SNCAIP: variants seen among roughly 807,000 people sequenced by gnomAD.
The protein encoded by SNCAIP is synuclein alpha interacting protein, also known as synphilin-1.
In SNCAIP, 43 loss-of-function variants were observed where a neutral mutation model predicts 86.7. The observed-to-expected ratio is 0.50, with a 90% CI of 0.39 to 0.64. The LOEUF (loss-of-function observed/expected upper bound fraction) is 0.64. SNCAIP is among the 30% of genes least tolerant of loss of function. The probability of loss-of-function intolerance (pLI) is 0.00; values close to 1 mark genes in which losing one functional copy is unlikely to be tolerated. For synonymous variants in SNCAIP, 417 were observed against 427.2 expected (o/e 0.98, Z 0.29); for missense variants, 981 against 1,103.1 (o/e 0.89, Z 1.57).
chr5:122,398,469 G>T (rs934553826), intron 2 of SNCAIP, among the ~76,000 whole-genome samples: 1 of 152,090 alleles, frequency 6.6e-6, no homozygotes, highest in African/African-American at 2.4e-5. Context: ...AAAATATTAT[G>T]TTCTGAAAAT....
In SNCAIP at chr5:122,451,534, C is replaced by T. The variant is rs1480117466; in HGVS notation, c.2687C>T (p.Ser896Leu). The T allele has an allele frequency of 2.5e-6, 4 of 1,613,820 alleles. No individual in the cohort carries two copies. Among genetic ancestry groups the T allele is most frequent in the Admixed American group, 1.7e-5 (1 of 60,016 alleles). ...AAAACCTCTACATTGCCCTTGACCTCACTTGGGAGGAAGACAGATGCCAAG... is the reference window on the plus strand; with the variant it reads ...AAAACCTCTACATTGCCCTTGACCTTACTTGGGAGGAAGACAGATGCCAAG... ...QLKTSTLPLTSLGRKTDAKGN... is the reference protein window; with the variant it reads ...QLKTSTLPLTLLGRKTDAKGN... Residue 896 changes from serine to leucine, a missense_variant, in exon 10 of 11, where the codon TCA (serine) becomes TTA (leucine). Physicochemically the swap from Ser to Leu is moderately radical, Grantham distance 145 (BLOSUM62 -2). Coordinates refer to ENST00000261368, the MANE Select transcript of SNCAIP (RefSeq NM_005460.4).
chr5:122,376,803 C>G (rs1765417245), intron 1 of SNCAIP, among the ~76,000 whole-genome samples: 1 of 152,140 alleles, frequency 6.6e-6, no homozygotes, highest in Admixed American at 6.5e-5. Context: ...GTCATGGCAG[C>G]ACTCTGAAAA....
chr5:122,348,240 A>G (rs1759019027), intron 1 of SNCAIP, among the ~76,000 whole-genome samples: 1 of 152,098 alleles, frequency 6.6e-6, no homozygotes, highest in African/African-American at 2.4e-5. Flanking sequence ...CCTAGAAATA[A>G]AGTTTATTCT....
Position 122,463,522 on chromosome 5 carries a change from T to G in SNCAIP, c.*26T>G. On this transcript the variant is annotated 3_prime_UTR_variant, in exon 11 of 11. Transcript: ENST00000261368. ...TGACATCAATAGAAAAATGAAGAAA[T>G]CCTACAGCATAAAGCACATTGCTGA... 1 of 1,609,514 alleles carries G rather than the reference T, an allele frequency of 6.2e-7. No individual in the cohort carries two copies. Among genetic ancestry groups the G allele is most frequent in the Non-Finnish European group, 8.5e-7 (1 of 1,176,664 alleles).
At chr5:122,354,611 T>C (rs1760630914) in intron 1 of SNCAIP, among the ~76,000 whole-genome samples, 1 of 152,188 alleles carries the variant, frequency 6.6e-6, no homozygotes, top group Non-Finnish European at 1.5e-5. Flanking sequence ...GAAATGATTG[T>C]CTTGGAGCAG....
chr5:122,421,370 C>T (rs1012422077), intron 3 of SNCAIP, among the ~76,000 whole-genome samples: 1 of 152,176 alleles, frequency 6.6e-6, no homozygotes, highest in East Asian at 1.9e-4. Context: ...ACTCTCATCC[C>T]GTTAGCTTGG....
chr5:122,393,498 G>A (rs554143595), intron 2 of SNCAIP, among the ~76,000 whole-genome samples: 24 of 152,200 alleles, frequency 1.6e-4, no homozygotes, highest in Admixed American at 7.2e-4. Flanking sequence ...CTGCTTCTCC[G>A]GGATGAATAT....
In SNCAIP at chr5:122,444,560, C is replaced by T; in HGVS notation, c.1423-3C>T. ...GATACACATGTCCTTCATTTTCTGACAGACCTTGGTTGAATATGGAGCAAA... is the reference window on the plus strand; with the variant it reads ...GATACACATGTCCTTCATTTTCTGATAGACCTTGGTTGAATATGGAGCAAA... On this transcript the variant is annotated splice_polypyrimidine_tract_variant and splice_region_variant and intron_variant, in intron 7 of 10. Coordinates refer to ENST00000261368, the MANE Select transcript of SNCAIP (RefSeq NM_005460.4). The T allele has an allele frequency of 1.2e-6, 2 of 1,613,702 alleles. No individual in the cohort carries two copies. The highest frequency in any genetic ancestry group is 1.3e-5 in the African/African-American group (1 of 75,034).
chr5:122,398,883 C>G lies in SNCAIP; in HGVS notation c.58-4910C>G, dbSNP rs374206393. On this transcript the variant is annotated intron_variant, in intron 2 of 10. Transcript: ENST00000261368. ...GAAATCACGCACTGTCATTATGAAT[C>G]TCATGCATGTTCCAACTGTTTTGCA... is the stretch of plus-strand genomic sequence containing the variant. Among the ~76,000 whole-genome samples the G allele has an allele frequency of 2.6e-5, 4 of 152,166 alleles. No homozygotes were observed. The East Asian group carries it at 7.7e-4, about 29-fold the overall frequency.
rs1215536145 is a variant in SNCAIP, at chr5:122,423,375, T to C, written c.638T>C (p.Val213Ala). ...GCACCATTTTGTGTTCTTTCTCCCG[T>C]GAAAAGCCCTCACTTGAGAAAAGCA... is the stretch of plus-strand genomic sequence containing the variant. ...NMAPFCVLSP[V>A]KSPHLRKASA... The change falls in exon 4 of 11, where the codon GTG becomes GCG. Residue 213 changes from valine to alanine, a missense_variant. Val to Ala is a moderately conservative substitution (Grantham distance 64). Coordinates refer to ENST00000261368, the MANE Select transcript of SNCAIP (RefSeq NM_005460.4). 1 of 1,613,572 alleles carries C rather than the reference T, an allele frequency of 6.2e-7. No homozygotes were observed. The highest frequency in any genetic ancestry group is 2.2e-5 in the East Asian group (1 of 44,890).
intron 2 of SNCAIP, among the ~76,000 whole-genome samples, chr5:122,392,762 T>C (rs574773308): frequency 2.9e-4 from 44 of 152,346 alleles, no homozygotes; most frequent in Non-Finnish European, 5.3e-4. Flanking sequence ...GTTGTGACGA[T>C]TGAGTAAAAT....
chr5:122,338,163 A>G (rs1477674449), intron 1 of SNCAIP, among the ~76,000 whole-genome samples: 1 of 152,230 alleles, frequency 6.6e-6, no homozygotes, highest in African/African-American at 2.4e-5. Context: ...AGATTTCACC[A>G]ACGGTTAAAT....
intron 7 of SNCAIP, chr5:122,443,567 C>A (rs2737094): frequency 2.2e-6 from 1 of 456,648 alleles, no homozygotes. Flanking sequence ...TCCTTCCCAC[C>A]CAGACTAGAC....
intron 1 of SNCAIP, among the ~76,000 whole-genome samples, chr5:122,320,690 C>T (rs1196648346): frequency 1.3e-5 from 2 of 152,080 alleles, no homozygotes; most frequent in Non-Finnish European, 2.9e-5. Flanking sequence ...ATATGCAGGC[C>T]AAGCAGTTAA....
intron 1 of SNCAIP, among the ~76,000 whole-genome samples, chr5:122,349,047 C>G (rs1446117129): frequency 1.3e-5 from 2 of 152,044 alleles, no homozygotes; most frequent in Non-Finnish European, 2.9e-5. Context: ...GTAGATTGAC[C>G]CTTTTCTGTT....
intron 3 of SNCAIP, among the ~76,000 whole-genome samples, chr5:122,421,159 T>A (rs188584279): frequency 3.3e-5 from 5 of 152,370 alleles, no homozygotes; most frequent in Non-Finnish European, 7.3e-5. Flanking sequence ...AACATTCTCT[T>A]CTACATTACT....
At chr5:122,377,253 G>T (rs1047877025) in intron 1 of SNCAIP, among the ~76,000 whole-genome samples, 6 of 152,078 alleles carry the variant, frequency 3.9e-5, no homozygotes, top group Non-Finnish European at 8.8e-5. Flanking sequence ...CTCTGTCTTG[G>T]TGTATTCCAG....
intron 5 of SNCAIP, among the ~76,000 whole-genome samples, chr5:122,429,046 T>C (rs1000947326): frequency 7.9e-5 from 12 of 152,106 alleles, no homozygotes; most frequent in African/African-American, 2.9e-4. Context: ...TTCATAAATA[T>C]GTAGAATTAC....
At chr5:122,429,058 T>C (rs1309079395) in intron 5 of SNCAIP, among the ~76,000 whole-genome samples, 10 of 152,220 alleles carry the variant, frequency 6.6e-5, no homozygotes, top group African/African-American at 2.2e-4. Flanking sequence ...TAGAATTACA[T>C]GTCAAAATAA....
Sources: gnomAD v4.1 joint callset for allele counts (sites outside exome capture counted in the v4.1 genomes callset) on GRCh38, gnomAD v4.1.1 for gene constraint, MANE v1.5 for transcripts, NCBI Gene and HGNC (gene_info 2026-07-23, HGNC 2026-07-21) for gene names.